Variants in RBFOX1 observed in about 807,000 individuals in gnomAD.
RBFOX1 encodes the protein RNA binding protein fox-1 homolog 1.
A neutral mutation model predicts 57.7 loss-of-function variants in RBFOX1; 8 were observed. The ratio of observed to expected loss-of-function variants is 0.14; its 90% confidence interval spans 0.08 to 0.25. The LOEUF (loss-of-function observed/expected upper bound fraction) is 0.25, where lower values mean the gene tolerates loss of function less well. RBFOX1 is among the 10% of genes least tolerant of loss of function. The pLI is 1.00. For missense variants in RBFOX1, 611 were observed against 548.5 expected, an observed-to-expected ratio of 1.11 and a Z score of -1.14; for synonymous variants, 326 against 222.4, an observed-to-expected ratio of 1.47 and a Z score of -4.15.
rs957467476 is a variant in RBFOX1, at chr16:6,193,874, C to T, written c.-126-123121C>T. 2.6e-5 allele frequency among the ~76,000 whole-genome samples: 4 copies of T among 152,248 alleles called. No homozygotes were observed. In the East Asian group the frequency reaches 7.8e-4, roughly 30 times the overall value. On this transcript the variant is annotated intron_variant, in intron 1 of 15. Coordinates refer to ENST00000550418, the MANE Select transcript of RBFOX1 (RefSeq NM_018723.4). ...TGCCGAGTCTCTGCCTCATTGTTTT[C>T]TGGCTTTTTGCATTGCCTCATCTTC...
At chr16:5,760,969 A>G (rs1190073432) in intron 3 of RBFOX1, among the ~76,000 whole-genome samples, 1 of 152,224 alleles carries the variant, frequency 6.6e-6, no homozygotes, top group African/African-American at 2.4e-5. Flanking sequence ...TCACTTTAAA[A>G]TGGGTAATTG....
At chr16:6,823,277 G>T (rs2091626073) in intron 3 of RBFOX1, among the ~76,000 whole-genome samples, 1 of 149,586 alleles carries the variant, frequency 6.7e-6, no homozygotes, top group Admixed American at 6.7e-5. Flanking sequence ...TTTTTCCCCA[G>T]AAAGAGTCTT....
At chr16:6,615,895 G>A (rs1480522619) in intron 2 of RBFOX1, among the ~76,000 whole-genome samples, 3 of 152,158 alleles carry the variant, frequency 2.0e-5, no homozygotes, top group Non-Finnish European at 2.9e-5. Flanking sequence ...CATGTGATAC[G>A]CATCTCCCCA....
intron 4 of RBFOX1, among the ~76,000 whole-genome samples, chr16:7,234,588 A>ATG (rs138784510): frequency 0.53 from 75,076 of 141,546 alleles, 19,788 homozygotes; most frequent in East Asian, 0.91. Flanking sequence ...GTGTATACAT[A>ATG]TGTGTGTGTG....
chr16:6,423,670 C>G (rs1417773641), intron 2 of RBFOX1, among the ~76,000 whole-genome samples: 2 of 151,964 alleles, frequency 1.3e-5, no homozygotes, highest in Non-Finnish European at 2.9e-5. Flanking sequence ...AGAGAAAGAC[C>G]AAGAGCAAGA....
intron 1 of RBFOX1, among the ~76,000 whole-genome samples, chr16:6,179,277 TAAGAAC>T (rs1225472410): frequency 1.3e-5 from 2 of 152,182 alleles, no homozygotes; most frequent in Admixed American, 1.3e-4. Flanking sequence ...GGCAATTTCT[TAAGAAC>T]AAGTATTGTT....
At chr16:5,638,483 C>G (rs2048758282) in intron 3 of RBFOX1, among the ~76,000 whole-genome samples, 1 of 152,152 alleles carries the variant, frequency 6.6e-6, no homozygotes, top group Non-Finnish European at 1.5e-5. Context: ...ACTTTTCCCT[C>G]TGCCTGCAGC....
chr16:6,249,825 G>A (rs914243305), intron 1 of RBFOX1, among the ~76,000 whole-genome samples: 4 of 146,182 alleles, frequency 2.7e-5, no homozygotes, highest in African/African-American at 1.0e-4. Context: ...TGCACAATGT[G>A]CAGGTTAGTT....
At chr16:5,416,069 A>C (rs376007403) in intron 1 of RBFOX1, among the ~76,000 whole-genome samples, 1 of 152,212 alleles carries the variant, frequency 6.6e-6, no homozygotes, top group Non-Finnish European at 1.5e-5. Flanking sequence ...AACGGGGCTG[A>C]AATTTAAGTC....
rs1156894600 is a variant in RBFOX1 at position 6,607,687 on chromosome 16, G to A, written c.-63-46916G>A. Among the ~76,000 whole-genome samples the A allele has an allele frequency of 3.3e-5, 5 of 151,752 alleles. No homozygotes were observed. In the East Asian group the frequency reaches 9.7e-4, roughly 29 times the overall value. On this transcript the variant is annotated intron_variant, in intron 2 of 15. Coordinates refer to ENST00000550418, the MANE Select transcript of RBFOX1 (RefSeq NM_018723.4). ...CTCTCTGTATTATGTCTGCCTATGT[G>A]GGCATGTGAGTGTGCAAATAAGAAA...
intron 1 of RBFOX1, among the ~76,000 whole-genome samples, chr16:6,046,111 G>C (rs1349683972): frequency 1.3e-5 from 2 of 152,202 alleles, no homozygotes; most frequent in African/African-American, 4.8e-5. Context: ...TCTGATTTTT[G>C]TGTTAAAATG....
chr16:5,969,315 T>G (rs2059914473), intron 4 of RBFOX1, among the ~76,000 whole-genome samples: 2 of 134,510 alleles, frequency 1.5e-5, no homozygotes, highest in African/African-American at 2.8e-5. Flanking sequence ...TTTTTTTTTT[T>G]TTTTTTTTGG....
chr16:7,384,102 G>T (rs1387332930), intron 4 of RBFOX1, among the ~76,000 whole-genome samples: 1 of 150,932 alleles, frequency 6.6e-6, no homozygotes, highest in Non-Finnish European at 1.5e-5. Context: ...AGTATAAATA[G>T]TGAGAAAACA....
chr16:6,635,170 C>T (rs8059862), intron 2 of RBFOX1, among the ~76,000 whole-genome samples: 113,526 of 146,710 alleles, frequency 0.77, 43,947 homozygotes, highest in South Asian at 0.87. Flanking sequence ...TAATATATTA[C>T]GAAAGTTTTA....
At chr16:7,127,175 A>G (rs1178425076) in intron 4 of RBFOX1, among the ~76,000 whole-genome samples, 2 of 152,112 alleles carry the variant, frequency 1.3e-5, no homozygotes, top group Non-Finnish European at 2.9e-5. Context: ...AGAGAAAGAA[A>G]AGTCTCTGTG....
At chr16:6,902,033 G>A (rs116254993) in intron 3 of RBFOX1, among the ~76,000 whole-genome samples, 4 of 152,168 alleles carry the variant, frequency 2.6e-5, no homozygotes, top group African/African-American at 7.2e-5. Context: ...GCTTAAGGTT[G>A]CACTTTACCT....
At chr16:6,613,272 T>C (rs1272970118) in intron 2 of RBFOX1, among the ~76,000 whole-genome samples, 1 of 151,996 alleles carries the variant, frequency 6.6e-6, no homozygotes, top group African/African-American at 2.4e-5. Context: ...CTAAAGGATT[T>C]TCAGGTTGGT....
At chr16:5,294,736 C>A (rs2063620502) in intron 1 of RBFOX1, among the ~76,000 whole-genome samples, 1 of 151,904 alleles carries the variant, frequency 6.6e-6, no homozygotes, top group African/African-American at 2.4e-5. Flanking sequence ...TTGGACATGG[C>A]ATAAAAAAGA....
chr16:7,414,191 T>G (rs900543073), intron 4 of RBFOX1, among the ~76,000 whole-genome samples: 11 of 152,228 alleles, frequency 7.2e-5, no homozygotes, highest in African/African-American at 2.7e-4. Context: ...TACACTTCCA[T>G]GCACCAAGAT....
Sources: gnomAD v4.1 joint callset for allele counts (sites outside exome capture counted in the v4.1 genomes callset) on GRCh38, gnomAD v4.1.1 for gene constraint, MANE v1.5 for transcripts, NCBI Gene and HGNC (gene_info 2026-07-23, HGNC 2026-07-21) for gene names.